ZNF385D: variants seen among roughly 807,000 people sequenced by gnomAD.
ZNF385D encodes zinc finger protein 659.
In ZNF385D, 15 loss-of-function variants were observed where a neutral mutation model predicts 35.8. That is an observed-to-expected ratio of 0.42 (90% CI 0.28 to 0.64). The LOEUF (loss-of-function observed/expected upper bound fraction) is 0.64, where lower values mean the gene tolerates loss of function less well. Among genes scored for constraint, ZNF385D ranks in the 30% least tolerant of loss-of-function variants. The probability of loss-of-function intolerance (pLI) is 0.23; values close to 1 mark genes in which losing one functional copy is unlikely to be tolerated. For synonymous variants in ZNF385D, 212 were observed against 186.8 expected, an observed-to-expected ratio of 1.13 and a Z score of -1.10; for missense variants, 474 against 494.6, an observed-to-expected ratio of 0.96 and a Z score of 0.39.
chr3:22,122,272 G>T (rs1240593383), intron 3 of ZNF385D, among the ~76,000 whole-genome samples: 1 of 152,072 alleles, frequency 6.6e-6, no homozygotes, highest in Non-Finnish European at 1.5e-5. Context: ...ACAAGCATCA[G>T]GACCTGCATT....
chr3:21,924,344 C>A (rs1700620345), intron 3 of ZNF385D, among the ~76,000 whole-genome samples: 1 of 152,066 alleles, frequency 6.6e-6, no homozygotes, highest in African/African-American at 2.4e-5. Flanking sequence ...GTCATTTCTC[C>A]CAGACTTAAG....
At chr3:22,199,783 T>G (rs1455065666) in intron 2 of ZNF385D, among the ~76,000 whole-genome samples, 1 of 152,070 alleles carries the variant, frequency 6.6e-6, no homozygotes, top group African/African-American at 2.4e-5. Flanking sequence ...TGAAGAGAAT[T>G]AATACCCAGT....
chr3:21,896,999 G>C (rs375944257), intron 3 of ZNF385D, among the ~76,000 whole-genome samples: 1 of 152,082 alleles, frequency 6.6e-6, no homozygotes, highest in East Asian at 1.9e-4. Context: ...GTTACAATTA[G>C]AGTATGGAAT....
In ZNF385D at chr3:21,665,329, A is replaced by C. The variant is rs373985900; in HGVS notation, c.23-301T>G. On this transcript the variant is annotated intron_variant, in intron 1 of 7. Transcript: ENST00000281523. ...TAGAGCTCCAGATTGGGTCAGTCAC[A>C]AATCTGCAACCAAGATCTCTGAATT... is the stretch of plus-strand genomic sequence containing the variant. Among the ~76,000 whole-genome samples the C allele has an allele frequency of 6.0e-4, 92 of 152,296 alleles. 1 individual carries two copies. Among genetic ancestry groups the C allele is most frequent in the Middle Eastern group, 3.4e-3 (1 of 294 alleles).
intron 3 of ZNF385D, among the ~76,000 whole-genome samples, chr3:21,992,153 T>G (rs2125397234): frequency 6.6e-6 from 1 of 152,216 alleles, no homozygotes; most frequent in African/African-American, 2.4e-5. Context: ...CATTTTTACC[T>G]CCACTCTAAC....
intron 3 of ZNF385D, among the ~76,000 whole-genome samples, chr3:21,816,383 T>C (rs1384277873): frequency 6.6e-6 from 1 of 152,122 alleles, no homozygotes; most frequent in East Asian, 1.9e-4. Context: ...AAAGAGGAAG[T>C]CAAATTGTTC....
At chr3:21,699,454 T>C (rs978337402) in intron 1 of ZNF385D, among the ~76,000 whole-genome samples, 3 of 152,092 alleles carry the variant, frequency 2.0e-5, no homozygotes, top group African/African-American at 7.2e-5. Context: ...CACCTGCACA[T>C]TCTGCACATG....
upstream of ZNF385D, among the ~76,000 whole-genome samples, chr3:21,754,728 G>A (rs528078344): frequency 1.3e-4 from 19 of 151,600 alleles, no homozygotes; most frequent in Admixed American, 2.0e-4. Context: ...TATTTTAGAC[G>A]TCTGTTTATT....
intron 2 of ZNF385D, among the ~76,000 whole-genome samples, chr3:22,346,505 A>G (rs1454144526): frequency 6.6e-6 from 1 of 152,222 alleles, no homozygotes; most frequent in Non-Finnish European, 1.5e-5. Flanking sequence ...AGAACAACTT[A>G]CGAGTTTACA....
At chr3:21,951,903 T>C (rs542329961) in intron 3 of ZNF385D, among the ~76,000 whole-genome samples, 1 of 151,760 alleles carries the variant, frequency 6.6e-6, no homozygotes, top group Admixed American at 6.6e-5. Context: ...TGCATGGAGA[T>C]AGTAAAACTG....
intron 3 of ZNF385D, among the ~76,000 whole-genome samples, chr3:22,099,554 A>C (rs1701814658): frequency 6.6e-6 from 1 of 152,136 alleles, no homozygotes. Context: ...TGTGGCTGAG[A>C]CACAAGTGCT....
At chr3:22,096,462 T>C (rs746938707) in intron 3 of ZNF385D, among the ~76,000 whole-genome samples, 1 of 152,034 alleles carries the variant, frequency 6.6e-6, no homozygotes, top group Non-Finnish European at 1.5e-5. Flanking sequence ...TAGTCAAAAT[T>C]TGATTTAAAA....
intron 2 of ZNF385D, among the ~76,000 whole-genome samples, chr3:22,221,521 A>G (rs1698255705): frequency 6.6e-6 from 1 of 152,184 alleles, no homozygotes; most frequent in Non-Finnish European, 1.5e-5. Flanking sequence ...ACTAATTTTT[A>G]AATGCACAGA....
At position 21,968,786 on chromosome 3, in the gene ZNF385D, A is replaced by G. The variant is rs542485666; in HGVS notation, c.325+200031T>C. On this transcript the variant is annotated intron_variant, in intron 3 of 5. Coordinates refer to the ZNF385D transcript ENST00000494108. ...ATGCTTGCTTTAGGTGTGACCCAGC[A>G]CATTCCAAGCTATGTTAGCTAAAGG... is the stretch of plus-strand genomic sequence containing the variant. Among the ~76,000 whole-genome samples, 12 of 152,308 alleles carry G rather than the reference A, an allele frequency of 7.9e-5. No individual in the cohort carries two copies. In the South Asian group the frequency reaches 2.3e-3, roughly 29 times the overall value.
At chr3:21,791,401 C>G (rs1280478750) in intron 3 of ZNF385D, among the ~76,000 whole-genome samples, 1 of 152,136 alleles carries the variant, frequency 6.6e-6, no homozygotes, top group Non-Finnish European at 1.5e-5. Flanking sequence ...TAACTATGAG[C>G]AATAGTGACA....
intron 4 of ZNF385D, among the ~76,000 whole-genome samples, chr3:21,495,353 C>A (rs1705751805): frequency 6.6e-6 from 1 of 151,750 alleles, no homozygotes; most frequent in African/African-American, 2.4e-5. Flanking sequence ...CAAAAAATAA[C>A]ATAAGTTCCA....
intron 3 of ZNF385D, among the ~76,000 whole-genome samples, chr3:22,067,190 G>A (rs1357476655): frequency 6.6e-6 from 1 of 152,186 alleles, no homozygotes; most frequent in African/African-American, 2.4e-5. Context: ...CACACTGCCT[G>A]TTGAGTTTAT....
At chr3:21,612,245 C>G (rs1446685922) in intron 2 of ZNF385D, among the ~76,000 whole-genome samples, 1 of 152,024 alleles carries the variant, frequency 6.6e-6, no homozygotes, top group Non-Finnish European at 1.5e-5. Flanking sequence ...CCACCATGCC[C>G]CGCTAATTTT....
At chr3:22,246,500 T>A (rs1282792515) in intron 2 of ZNF385D, among the ~76,000 whole-genome samples, 3 of 152,130 alleles carry the variant, frequency 2.0e-5, no homozygotes, top group Non-Finnish European at 4.4e-5. Context: ...ACCATACTCA[T>A]AAGCCTTCTG....
Sources: gnomAD v4.1 joint callset for allele counts (sites outside exome capture counted in the v4.1 genomes callset) on GRCh38, gnomAD v4.1.1 for gene constraint, MANE v1.5 for transcripts, NCBI Gene and HGNC (gene_info 2026-07-23, HGNC 2026-07-21) for gene names.